The following PHF14 variants were observed in gnomAD, a reference collection of about 807,000 sequenced individuals.
PHF14 encodes the protein PHD finger protein 14.
A neutral mutation model predicts 117.9 loss-of-function variants in PHF14; 55 were observed. The observed-to-expected ratio is 0.47, with a 90% CI of 0.38 to 0.58. The LOEUF is 0.58. Among genes scored for constraint, PHF14 ranks in the 20% least tolerant of loss-of-function variants. The pLI is 0.00. For missense variants in PHF14, 978 were observed against 1,122.2 expected (o/e 0.87, Z 1.84); for synonymous variants, 409 against 368.6 (o/e 1.11, Z -1.26).
chr7:10,978,136 CTT>C (rs1781930165), intron 2 of PHF14, among the ~76,000 whole-genome samples: 1 of 152,100 alleles, frequency 6.6e-6, no homozygotes, highest in Admixed American at 6.6e-5. Context: ...CAGCCTGAGA[CTT>C]TGGTGGTATT....
At position 11,053,588 on chromosome 7, in the gene PHF14, C is replaced by A. The variant is rs531511395; in HGVS notation, c.2481+1808C>A. On this transcript the variant is annotated intron_variant, in intron 14 of 17. Transcript: ENST00000634607. Reference sequence around the variant, plus strand: ...TCGTATGTCTGTCTACAAAGATTATCCTCTTATGAAACATTATTTTTCCAG... The same window carrying A: ...TCGTATGTCTGTCTACAAAGATTATACTCTTATGAAACATTATTTTTCCAG... Among the ~76,000 whole-genome samples the A allele has an allele frequency of 1.6e-4, 24 of 152,062 alleles. No individual in the cohort carries two copies. In the East Asian group the frequency reaches 2.1e-3, roughly 13 times the overall value.
At chr7:11,067,491 A>G (rs1001420362) in intron 16 of PHF14, among the ~76,000 whole-genome samples, 9 of 152,228 alleles carry the variant, frequency 5.9e-5, no homozygotes, top group Non-Finnish European at 8.8e-5. Context: ...CAGAAACTCA[A>G]ACAGATAATT....
chr7:11,106,497 T>C (rs1265569410), intron 16 of PHF14: 7 of 944,926 alleles, frequency 7.4e-6, no homozygotes, highest in Non-Finnish European at 8.8e-6. Flanking sequence ...TTGTACTTAT[T>C]GATACTAAAT....
At chr7:11,143,395 A>G (rs1788453928) in intron 17 of PHF14, among the ~76,000 whole-genome samples, 1 of 152,102 alleles carries the variant, frequency 6.6e-6, no homozygotes. Context: ...TGCTAGGATT[A>G]TAGGCATGAG....
intron 16 of PHF14, chr7:11,062,552 GT>G (rs1411559367): frequency 7.3e-6 from 2 of 273,620 alleles, no homozygotes; most frequent in Non-Finnish European, 1.1e-5. Flanking sequence ...AAACAAATGT[GT>G]TAAATGCTTC....
intron 17 of PHF14, among the ~76,000 whole-genome samples, chr7:11,149,715 CTG>C (rs1788651982): frequency 6.6e-6 from 1 of 152,138 alleles, no homozygotes; most frequent in East Asian, 1.9e-4. Context: ...CTTGAATAAT[CTG>C]TAGTTTTATT....
At chr7:11,078,286 A>T (rs995087419) in intron 16 of PHF14, among the ~76,000 whole-genome samples, 10 of 152,136 alleles carry the variant, frequency 6.6e-5, no homozygotes, top group Admixed American at 1.3e-4. Context: ...TTTTCTGGGC[A>T]GTGATAGTGC....
chr7:11,110,436 T>G, intron 16 of PHF14: 1 of 296,788 alleles, frequency 3.4e-6, no homozygotes, highest in Non-Finnish European at 5.0e-6. Flanking sequence ...TGTTATTTGT[T>G]GTTAAATTTT....
At chr7:11,053,255 G>A (rs1784901998) in intron 14 of PHF14, among the ~76,000 whole-genome samples, 1 of 151,972 alleles carries the variant, frequency 6.6e-6, no homozygotes, top group African/African-American at 2.4e-5. Flanking sequence ...GATTCAGCTT[G>A]ATTTTTTAAA....
intron 17 of PHF14, among the ~76,000 whole-genome samples, chr7:11,157,065 A>T (rs1382101048): frequency 6.6e-6 from 1 of 152,140 alleles, no homozygotes; most frequent in Non-Finnish European, 1.5e-5. Context: ...TGTATACCTG[A>T]TGCACTTTAT....
chr7:11,014,236 A>G (rs894079760), intron 5 of PHF14, among the ~76,000 whole-genome samples: 2 of 152,186 alleles, frequency 1.3e-5, no homozygotes, highest in Non-Finnish European at 2.9e-5. Context: ...AAGACCACAA[A>G]CTGGTGAATG....
At chr7:10,980,494 G>A (rs1362116692) in intron 2 of PHF14, among the ~76,000 whole-genome samples, 1 of 151,934 alleles carries the variant, frequency 6.6e-6, no homozygotes, top group Non-Finnish European at 1.5e-5. Flanking sequence ...TGGTAGGTTG[G>A]GTTTAATTGC....
chr7:11,067,457 C>G (rs1785461263), intron 16 of PHF14, among the ~76,000 whole-genome samples: 1 of 152,160 alleles, frequency 6.6e-6, no homozygotes, highest in Non-Finnish European at 1.5e-5. Flanking sequence ...TCTGTTAATA[C>G]TGCTTCTAGC....
intron 13 of PHF14, among the ~76,000 whole-genome samples, chr7:11,047,569 G>A (rs1036485875): frequency 2.0e-5 from 3 of 150,584 alleles, no homozygotes. Flanking sequence ...GCTGAGGCGG[G>A]CGGATCACTT....
At chr7:11,066,993 T>C (rs546256834) in intron 16 of PHF14, among the ~76,000 whole-genome samples, 1 of 152,172 alleles carries the variant, frequency 6.6e-6, no homozygotes, top group Admixed American at 6.5e-5. Context: ...TTAAAAACTT[T>C]TGTGTGTGAA....
intron 16 of PHF14, chr7:11,109,907 A>G (rs1185229596): frequency 6.6e-6 from 1 of 151,910 alleles, no homozygotes; most frequent in East Asian, 1.9e-4. Flanking sequence ...AAAAGTACAT[A>G]AGCTTATTTT....
chr7:10,986,140 T>C (rs770442727), intron 3 of PHF14, among the ~76,000 whole-genome samples: 73 of 151,800 alleles, frequency 4.8e-4, no homozygotes, highest in Admixed American at 2.0e-3. Context: ...CTAATGCTTT[T>C]ATTTTTGATT....
intron 16 of PHF14, chr7:11,109,158 T>A (rs989949353): frequency 6.6e-6 from 1 of 151,818 alleles, no homozygotes; most frequent in Non-Finnish European, 1.5e-5. Context: ...GTTTTAGTGG[T>A]CTGGTTTCTG....
At chr7:11,047,559 G>C (rs1784711067) in intron 13 of PHF14, among the ~76,000 whole-genome samples, 1 of 151,012 alleles carries the variant, frequency 6.6e-6, no homozygotes, top group South Asian at 2.1e-4. Flanking sequence ...ACTTTGGGAG[G>C]CTGAGGCGGG....
Sources: gnomAD v4.1 joint callset for allele counts (sites outside exome capture counted in the v4.1 genomes callset) on GRCh38, gnomAD v4.1.1 for gene constraint, MANE v1.5 for transcripts, NCBI Gene and HGNC (gene_info 2026-07-23, HGNC 2026-07-21) for gene names.